RFC3: variants seen among roughly 807,000 people sequenced by gnomAD.
RFC3 encodes the protein A1 38 kDa subunit.
RFC3 carries 41 observed loss-of-function variants against 45.1 expected under a neutral mutation model. The observed-to-expected ratio is 0.91, with a 90% CI of 0.71 to 1.18. The LOEUF (loss-of-function observed/expected upper bound fraction) is 1.18, where lower values mean the gene tolerates loss of function less well. Ranked by LOEUF, RFC3 falls within the 50% of genes most tolerant of loss-of-function variation. The pLI, the probability that RFC3 is intolerant of heterozygous loss-of-function variation, is 0.00. For missense variants in RFC3, 423 were observed against 428.1 expected (o/e 0.99, Z 0.10); for synonymous variants, 149 against 144.0 (o/e 1.03, Z -0.25).
chr13:33,941,611 A>G (rs983604269), intron 8 of RFC3, among the ~76,000 whole-genome samples: 25 of 152,270 alleles, frequency 1.6e-4, no homozygotes, highest in African/African-American at 5.8e-4. Flanking sequence ...CTGTCAATAA[A>G]CCAGCCCAAT....
At chr13:33,818,959 C>T (rs1379989364) in intron 1 of RFC3, among the ~76,000 whole-genome samples, 3 of 141,004 alleles carry the variant, frequency 2.1e-5, no homozygotes, top group Non-Finnish European at 4.5e-5. Context: ...GGCGCGGTCT[C>T]GGCTCACTGC....
rs113168994 is a variant in RFC3 at position 33,829,757 on chromosome 13, A to G, written c.392-79A>G. 10 of 1,091,620 alleles carry G rather than the reference A, an allele frequency of 9.2e-6. No homozygotes were observed. In the African/African-American group the frequency reaches 9.3e-5, roughly 10 times the overall value. 67.6% of individuals were successfully genotyped at this position (1,091,620 alleles called of 1,614,324 possible). A position where few individuals can be genotyped will look rare whatever the true frequency, so the allele number is the denominator to read the frequency against. ...CTTATTATTTAGGATTTCATCCTGG[A>G]TAATGAGAAGGAAGAAAGAGACAAG... On this transcript the variant is annotated intron_variant, in intron 4 of 8. Coordinates refer to ENST00000380071, the MANE Select transcript of RFC3 (RefSeq NM_002915.4).
intron 8 of RFC3, among the ~76,000 whole-genome samples, chr13:33,886,112 GA>G (rs1278457579): frequency 6.6e-6 from 1 of 152,104 alleles, no homozygotes; most frequent in Non-Finnish European, 1.5e-5. Flanking sequence ...TGAGACTTCA[GA>G]AATCGCCTTT....
At chr13:33,960,509 C>G (rs1028782810) in intron 8 of RFC3, among the ~76,000 whole-genome samples, 3 of 152,232 alleles carry the variant, frequency 2.0e-5, no homozygotes, top group Non-Finnish European at 4.4e-5. Flanking sequence ...CCAGTGTTAA[C>G]CTACCTTCCT....
rs1373122726 is a variant in RFC3, at chr13:33,860,571, A to G, written c.879+25354A>G. Reference sequence around the variant, plus strand: ...GCCTGCTTTGGATGTGTTTTTGCTTATCCCTCGGCTTTTTAATGTGACAAT... The same window carrying G: ...GCCTGCTTTGGATGTGTTTTTGCTTGTCCCTCGGCTTTTTAATGTGACAAT... On this transcript the variant is annotated intron_variant, in intron 8 of 8. Coordinates refer to the RFC3 transcript ENST00000434425. Among the ~76,000 whole-genome samples the G allele has an allele frequency of 2.0e-5, 3 of 152,046 alleles. No individual in the cohort carries two copies. In the East Asian group the frequency reaches 5.8e-4, roughly 29 times the overall value.
At chr13:33,830,615 AT>A (rs2082092965) in intron 5 of RFC3, 103 bp from the exon 6 acceptor site, 2 of 827,728 alleles carry the variant, frequency 2.4e-6, no homozygotes, top group South Asian at 2.4e-5. Flanking sequence ...ACTTATAAGA[AT>A]TTTGAGAGTA....
intron 8 of RFC3, among the ~76,000 whole-genome samples, chr13:33,857,191 T>C (rs2082313451): frequency 1.3e-5 from 2 of 152,220 alleles, no homozygotes; most frequent in African/African-American, 4.8e-5. Flanking sequence ...AGGCATCTCT[T>C]TATAGATGTT....
chr13:33,930,390 C>T (rs1308599468), intron 8 of RFC3, among the ~76,000 whole-genome samples: 1 of 152,050 alleles, frequency 6.6e-6, no homozygotes, highest in Non-Finnish European at 1.5e-5. Flanking sequence ...TGCTGAAGAA[C>T]CTAAAGTCTG....
intron 8 of RFC3, among the ~76,000 whole-genome samples, chr13:33,897,804 G>C (rs2082610843): frequency 2.0e-5 from 3 of 151,934 alleles, no homozygotes; most frequent in Non-Finnish European, 4.4e-5. Flanking sequence ...ATCAAAGACT[G>C]TAAAAAGAAG....
At chr13:33,823,845 C>T in intron 2 of RFC3, 72 bp from the exon 3 acceptor site, 1 of 752,322 alleles carries the variant, frequency 1.3e-6, no homozygotes, top group East Asian at 2.9e-5. Context: ...AAAGGAAAAC[C>T]AATGAAAATA....
At chr13:33,879,043 A>C (rs2082465788) in intron 8 of RFC3, among the ~76,000 whole-genome samples, 1 of 152,182 alleles carries the variant, frequency 6.6e-6, no homozygotes, top group Non-Finnish European at 1.5e-5. Context: ...TCTAGGTTGT[A>C]TTTTAGCATA....
At chr13:33,841,285 A>AGT (rs1224603801), downstream of RFC3, among the ~76,000 whole-genome samples, 1 of 152,216 alleles carries the variant, frequency 6.6e-6, no homozygotes. Flanking sequence ...AAGGTTGGGG[A>AGT]GTGCAGTATT....
intron 8 of RFC3, among the ~76,000 whole-genome samples, chr13:33,933,674 G>A (rs1328414640): frequency 6.6e-6 from 1 of 151,890 alleles, no homozygotes; most frequent in African/African-American, 2.4e-5. Context: ...AAAATAAGAA[G>A]GGAGAAACTT....
intron 8 of RFC3, among the ~76,000 whole-genome samples, chr13:33,891,201 G>A (rs184153789): frequency 6.6e-6 from 1 of 152,210 alleles, no homozygotes; most frequent in African/African-American, 2.4e-5. Flanking sequence ...ACTAAGAGTG[G>A]CAATGGTATT....
intron 8 of RFC3, among the ~76,000 whole-genome samples, chr13:33,925,718 T>C (rs2082807605): frequency 2.0e-5 from 3 of 151,372 alleles, no homozygotes; most frequent in South Asian, 2.1e-4. Flanking sequence ...CATATACATA[T>C]ATATTTATGT....
At chr13:33,861,290 C>G (rs1001233952) in intron 8 of RFC3, among the ~76,000 whole-genome samples, 3 of 152,080 alleles carry the variant, frequency 2.0e-5, no homozygotes, top group Non-Finnish European at 4.4e-5. Flanking sequence ...AAAGTGATCT[C>G]TCTATTTTAC....
At chr13:33,907,541 A>C (rs1055567436) in intron 8 of RFC3, among the ~76,000 whole-genome samples, 2 of 152,102 alleles carry the variant, frequency 1.3e-5, no homozygotes, top group Admixed American at 6.6e-5. Context: ...TAAATGTTTC[A>C]TAAAATTTTA....
At chr13:33,966,754 C>A (rs898128131), downstream of RFC3, among the ~76,000 whole-genome samples, 2 of 152,042 alleles carry the variant, frequency 1.3e-5, no homozygotes, top group African/African-American at 4.8e-5. Context: ...ACTTTGTAAC[C>A]CTACAGAGTG....
At chr13:33,883,117 T>A (rs10220198) in intron 8 of RFC3, among the ~76,000 whole-genome samples, 15,937 of 152,228 alleles carry the variant, frequency 0.1, 1,645 homozygotes, top group African/African-American at 0.25. Context: ...TTTGTTTCTC[T>A]AAAATAAATA....
Sources: allele counts gnomAD v4.1 joint callset (sites outside exome capture counted in the v4.1 genomes callset), GRCh38; gene constraint gnomAD v4.1.1; transcripts MANE v1.5; gene names NCBI Gene and HGNC (gene_info 2026-07-23, HGNC 2026-07-21).